Variants in SLC2A7 observed in about 807,000 individuals in gnomAD.
SLC2A7 encodes the protein solute carrier family 2, facilitated glucose transporter member 7.
Under a neutral mutation model 50.5 loss-of-function variants are expected in SLC2A7, and 50 were observed. The ratio of observed to expected loss-of-function variants is 0.99; its 90% CI spans 0.79 to 1.25. SLC2A7 has a LOEUF of 1.25. SLC2A7 is among the 50% of genes most tolerant of loss of function. The pLI is 0.00. For synonymous variants in SLC2A7, 308 were observed against 300.4 expected, an observed-to-expected ratio of 1.03 and a Z score of -0.26; for missense variants, 683 against 679.1, an observed-to-expected ratio of 1.01 and a Z score of -0.06.
chr1:9,000,609 ACT>A (rs1640560674), downstream of SLC2A7, among the ~76,000 whole-genome samples: 1 of 151,894 alleles, frequency 6.6e-6, no homozygotes, highest in East Asian at 1.9e-4. Context: ...ACAGAGCAAG[ACT>A]CTGTCTCAAA....
At position 9,004,752 on chromosome 1, in the gene SLC2A7, C is replaced by A. The variant is rs754787458; in HGVS notation, c.1320G>T (p.Gln440His). The change falls in exon 11 of 12, where the codon CAG becomes CAT. Residue 440 changes from glutamine (Q) to histidine (H), a missense_variant and splice_region_variant. Transcript: ENST00000400906. ...GGTTGGGGAAGGGGCCCTCACTCAC[C>A]TGGATGGATGGGAACAGGAAGCCTA... is the stretch of plus-strand genomic sequence containing the variant. ...FIIGFLFPSI[Q>H]EAIGAYSFII... 8.7e-6 allele frequency: 14 copies of A among 1,614,002 alleles called. No individual in the cohort carries two copies. In the South Asian group the frequency reaches 1.5e-4, roughly 18 times the overall value.
At chr1:8,993,257 C>T in the SLC2A7 span, among the ~76,000 whole-genome samples, 2 of 152,190 alleles carry the variant, frequency 1.3e-5, no homozygotes, top group African/African-American at 2.4e-5. Context: ...TAGGAAAGAC[C>T]TGCCTCCATG....
chr1:9,024,982 C>A lies in SLC2A7; in HGVS notation c.144G>T (p.Pro48=). 6.2e-7 allele frequency: 1 copy of A among 1,613,974 alleles called. No homozygotes were observed. Among genetic ancestry groups the A allele is most frequent in the African/African-American group, 1.3e-5 (1 of 75,058 alleles). ...GTGCCCACCTTGTGCCCACCTTGTG[C>A]GGCGTGTTGACCACAGAGAGGTTGT... ...YGYNLSVVNT[P]HKVFKSFYNE... Residue 48 remains proline, a synonymous_variant, in exon 2 of 12, where the codon CCG becomes CCT. Transcript: ENST00000400906.
downstream of SLC2A7, among the ~76,000 whole-genome samples, chr1:9,002,023 C>A (rs141430911): frequency 1.3e-4 from 20 of 152,280 alleles, no homozygotes; most frequent in East Asian, 3.3e-3. Flanking sequence ...GTGCAGGATG[C>A]GCCTTGTTAA....
At chr1:9,022,117 A>AT (rs764162945) in intron 3 of SLC2A7, among the ~76,000 whole-genome samples, 163 of 152,312 alleles carry the variant, frequency 1.1e-3, no homozygotes, top group Non-Finnish European at 1.5e-3. Flanking sequence ...AATCAGCGCT[A>AT]TTTTTTTCTA....
At position 9,022,901 on chromosome 1, in the gene SLC2A7, G is replaced by A; in HGVS notation, c.311+17C>T. 1.9e-6 allele frequency: 3 copies of A among 1,613,584 alleles called. No individual in the cohort carries two copies. The highest frequency in any genetic ancestry group is 2.5e-6 in the Non-Finnish European group (3 of 1,179,776). On this transcript the variant is annotated intron_variant, in intron 3 of 11. Coordinates refer to ENST00000400906, the MANE Select transcript of SLC2A7 (RefSeq NM_207420.3). ...CTAGCATGAATTTTAAGTGGGAGCA[G>A]TGCACCTTCTGTTTACCTGCCGCAG...
At chr1:9,018,592 G>T (rs914648714) in intron 4 of SLC2A7, among the ~76,000 whole-genome samples, 1 of 152,242 alleles carries the variant, frequency 6.6e-6, no homozygotes, top group African/African-American at 2.4e-5. Context: ...GTGATGAGGA[G>T]ACCTTTTCCT....
the SLC2A7 span, among the ~76,000 whole-genome samples, chr1:8,995,094 TCA>T: frequency 6.6e-6 from 1 of 150,462 alleles, no homozygotes; most frequent in Non-Finnish European, 1.5e-5. Context: ...ATTTTCAAGG[TCA>T]CACGTCTCCC....
At chr1:9,005,028 CA>C in intron 10 of SLC2A7, 149 bp from the exon 11 acceptor site, 1 of 909,606 alleles carries the variant, frequency 1.1e-6, no homozygotes. Context: ...CCTTTACCCA[CA>C]AAACCAGGGC....
At chr1:9,014,120 C>T (rs1640790614) in intron 7 of SLC2A7, among the ~76,000 whole-genome samples, 1 of 152,228 alleles carries the variant, frequency 6.6e-6, no homozygotes. Flanking sequence ...CCCACGATCA[C>T]TGGTTAAACA....
At chr1:8,998,601 G>A (rs1313188761), downstream of SLC2A7, among the ~76,000 whole-genome samples, 1 of 151,910 alleles carries the variant, frequency 6.6e-6, no homozygotes, top group Admixed American at 6.6e-5. Context: ...AAATTGTTTT[G>A]GTTATTCTAG....
intron 10 of SLC2A7, among the ~76,000 whole-genome samples, chr1:9,006,142 G>C (rs1175721725): frequency 1.3e-5 from 2 of 152,126 alleles, no homozygotes; most frequent in Non-Finnish European, 2.9e-5. Context: ...AGGCAGTGGG[G>C]GCAGAACGGC....
At chr1:9,024,409 A>G (rs1476035517) in intron 2 of SLC2A7, among the ~76,000 whole-genome samples, 2 of 152,162 alleles carry the variant, frequency 1.3e-5, no homozygotes, top group Non-Finnish European at 2.9e-5. Flanking sequence ...TAGACATGCT[A>G]ATATATGTAT....
chr1:9,024,371 T>C (rs1314152364), intron 2 of SLC2A7, among the ~76,000 whole-genome samples: 1 of 152,234 alleles, frequency 6.6e-6, no homozygotes, highest in Admixed American at 6.5e-5. Context: ...ATATACGTAA[T>C]ACACAAACAA....
intron 8 of SLC2A7, among the ~76,000 whole-genome samples, chr1:9,012,743 G>A (rs953294048): frequency 3.9e-5 from 6 of 152,174 alleles, no homozygotes; most frequent in East Asian, 3.8e-4. Flanking sequence ...ATATCAAAGC[G>A]TAAGTAGCTC....
chr1:9,007,938 C>G (rs1640681337), intron 9 of SLC2A7, among the ~76,000 whole-genome samples: 1 of 151,978 alleles, frequency 6.6e-6, no homozygotes, highest in Non-Finnish European at 1.5e-5. Flanking sequence ...GGAAGCAGAG[C>G]ACAGAGGGCC....
At chr1:9,023,160 C>A in intron 2 of SLC2A7, 82 bp from the exon 3 acceptor site, 1 of 1,471,984 alleles carries the variant, frequency 6.8e-7, no homozygotes, top group South Asian at 1.3e-5. Flanking sequence ...GGCCACTTGT[C>A]ATTGTACAGA....
At chr1:9,019,073 C>T in intron 4 of SLC2A7, 136 bp downstream of exon 4, 1 of 1,162,686 alleles carries the variant, frequency 8.6e-7, no homozygotes, top group Non-Finnish European at 1.2e-6. Flanking sequence ...CTTGCAAGGG[C>T]CTGGGGATGC....
rs776704247 is a variant in SLC2A7 at position 9,004,761 on chromosome 1, T to A, written c.1311A>T (p.Pro437=). 6.2e-7 allele frequency: 1 copy of A among 1,613,786 alleles called. No homozygotes were observed. The highest frequency in any genetic ancestry group is 1.1e-5 in the South Asian group (1 of 91,050). Residue 437 remains proline (P), a synonymous_variant, in exon 11 of 12, where the codon CCA becomes CCT. Transcript: ENST00000400906. ...LTNFIIGFLF[P]SIQEAIGAYS... Reference sequence around the variant, plus strand: ...AGGGGCCCTCACTCACCTGGATGGATGGGAACAGGAAGCCTATGATGAAGT... The same window carrying A: ...AGGGGCCCTCACTCACCTGGATGGAAGGGAACAGGAAGCCTATGATGAAGT...
Sources: gnomAD v4.1 joint callset for allele counts (sites outside exome capture counted in the v4.1 genomes callset) on GRCh38, gnomAD v4.1.1 for gene constraint, MANE v1.5 for transcripts, NCBI Gene and HGNC (gene_info 2026-07-23, HGNC 2026-07-21) for gene names.